RNFT2: variants seen among roughly 807,000 people sequenced by gnomAD.
RNFT2 encodes E3 ubiquitin-protein ligase RNFT2.
In RNFT2, 36 loss-of-function variants were observed where a neutral mutation model predicts 53.0. That is an observed-to-expected ratio of 0.68 (90% CI 0.52 to 0.90). The LOEUF is 0.90. Among genes scored for constraint, RNFT2 ranks in the 40% least tolerant of loss-of-function variants. RNFT2 has a pLI of 0.00. For synonymous variants in RNFT2, 260 were observed against 253.2 expected, an observed-to-expected ratio of 1.03 and a Z score of -0.26; for missense variants, 514 against 585.6, an observed-to-expected ratio of 0.88 and a Z score of 1.26.
intron 10 of RNFT2, among the ~76,000 whole-genome samples, chr12:116,836,902 C>T (rs771124890): frequency 2.6e-5 from 4 of 151,830 alleles, no homozygotes; most frequent in African/African-American, 4.8e-5. Flanking sequence ...TGCACTCCAG[C>T]CTGGGCAACA....
chr12:116,774,270 C>T (rs1373110900), intron 6 of RNFT2, among the ~76,000 whole-genome samples: 5 of 152,056 alleles, frequency 3.3e-5, no homozygotes, highest in Non-Finnish European at 7.4e-5. Flanking sequence ...TTGAACTGTG[C>T]GCGTAAAAAT....
chr12:116,769,754 G>C (rs35412759), intron 6 of RNFT2, among the ~76,000 whole-genome samples: 1 of 152,050 alleles, frequency 6.6e-6, no homozygotes, highest in African/African-American at 2.4e-5. Context: ...TGTAACGGCC[G>C]GGCATGGTGG....
At chr12:116,785,249 C>CTGTGTGTGTGTG (rs56185708) in intron 7 of RNFT2, among the ~76,000 whole-genome samples, 10,492 of 139,060 alleles carry the variant, frequency 0.075, 519 homozygotes, top group South Asian at 0.099. Context: ...TTACCTACTT[C>CTGTGTGTGTGTG]TGTGTGTGTG....
At position 116,849,482 on chromosome 12, in the gene RNFT2, AG is replaced by A; in HGVS notation, c.*37del. 6.4e-7 allele frequency: 1 copy of A among 1,560,450 alleles called. No homozygotes were observed. On this transcript the variant is annotated 3_prime_UTR_variant, in exon 11 of 11. Transcript: ENST00000257575. ...ACTGAGGACACCCAGAAGGACGCCAAGGGTCAGCATGCCCGGACCCAGCCCT... is the reference window on the plus strand; with the variant it reads ...ACTGAGGACACCCAGAAGGACGCCAAGGTCAGCATGCCCGGACCCAGCCCT...
chr12:116,761,848 C>T (rs911341194), intron 5 of RNFT2, among the ~76,000 whole-genome samples: 1 of 152,054 alleles, frequency 6.6e-6, no homozygotes, highest in Non-Finnish European at 1.5e-5. Flanking sequence ...CCTCAGGTGC[C>T]GCCTCTGGAA....
Position 116,836,038 on chromosome 12 carries a change from C to T in RNFT2, c.1098+13C>T, listed in dbSNP as rs1480816940. On this transcript the variant is annotated intron_variant, in intron 9 of 10. Coordinates refer to ENST00000257575, the MANE Select transcript of RNFT2 (RefSeq NM_001382266.1). Reference sequence around the variant, plus strand: ...CTGTACCTCTCAGGTGAGTTGGCTTCAGGTGGTCCCCACCAGGGTCCTGAG... The same window carrying T: ...CTGTACCTCTCAGGTGAGTTGGCTTTAGGTGGTCCCCACCAGGGTCCTGAG... The T allele has an allele frequency of 1.9e-6, 3 of 1,613,958 alleles. No homozygotes were observed. Among genetic ancestry groups the T allele is most frequent in the Admixed American group, 1.7e-5 (1 of 60,026 alleles).
At chr12:116,848,450 TG>T in intron 10 of RNFT2, among the ~76,000 whole-genome samples, 1 of 152,152 alleles carries the variant, frequency 6.6e-6, no homozygotes, top group South Asian at 2.1e-4. Flanking sequence ...AGCCCTACCA[TG>T]GGCCCCTTAC....
chr12:116,794,371 G>C (rs1260163015), intron 7 of RNFT2, among the ~76,000 whole-genome samples: 2 of 152,034 alleles, frequency 1.3e-5, no homozygotes, highest in Non-Finnish European at 2.9e-5. Flanking sequence ...GCCAAGGCAG[G>C]CGGATCCCTT....
At chr12:116,801,645 C>T (rs1874794872) in intron 7 of RNFT2, among the ~76,000 whole-genome samples, 1 of 152,170 alleles carries the variant, frequency 6.6e-6, no homozygotes, top group South Asian at 2.1e-4. Context: ...AAGATAAGAG[C>T]ATTAGCAGCC....
At chr12:116,768,273 G>C (rs892308630) in intron 6 of RNFT2, among the ~76,000 whole-genome samples, 3 of 151,956 alleles carry the variant, frequency 2.0e-5, no homozygotes, top group African/African-American at 7.3e-5. Flanking sequence ...GCTAATTCTT[G>C]TATTTTTCAT....
At chr12:116,825,650 C>G (rs557036503) in intron 7 of RNFT2, among the ~76,000 whole-genome samples, 1 of 152,188 alleles carries the variant, frequency 6.6e-6, no homozygotes. Context: ...CTTGTGGGAA[C>G]ATTTATACCA....
chr12:116,803,172 T>G (rs1354544789), intron 7 of RNFT2, among the ~76,000 whole-genome samples: 2 of 152,154 alleles, frequency 1.3e-5, no homozygotes, highest in African/African-American at 2.4e-5. Context: ...GTCCATCTCA[T>G]GAGCGACATT....
chr12:116,760,239 G>A (rs1592942644), intron 5 of RNFT2, among the ~76,000 whole-genome samples: 1 of 152,134 alleles, frequency 6.6e-6, no homozygotes, highest in African/African-American at 2.4e-5. Context: ...GGTGGAGAGC[G>A]ATAGGGGCTT....
rs200341108 is a variant in RNFT2, at chr12:116,753,072, A to AT, written c.551-903dup. Reference sequence around the variant, plus strand: ...GGGTCATGTTTGTCTGTTAGCTGGGATTTTTTTTTCTCATTGAACATTAAA... The same window carrying AT: ...GGGTCATGTTTGTCTGTTAGCTGGGATTTTTTTTTTCTCATTGAACATTAAA... On this transcript the variant is annotated intron_variant, in intron 4 of 10. Transcript: ENST00000257575. Among the ~76,000 whole-genome samples, 1,044 of 144,106 alleles carry AT rather than the reference A, an allele frequency of 7.2e-3. 16 individuals are homozygous for AT. Among genetic ancestry groups the AT allele is most frequent in the African/African-American group, 0.022 (872 of 38,848 alleles). The allele number at this position is 144,106 out of a possible 152,430, so 94.5% of individuals were successfully genotyped here. A position where few individuals can be genotyped will look rare whatever the true frequency, so the allele number is the denominator to read the frequency against.
intron 7 of RNFT2, among the ~76,000 whole-genome samples, chr12:116,816,038 A>G (rs965040691): frequency 6.6e-6 from 1 of 152,170 alleles, no homozygotes; most frequent in African/African-American, 2.4e-5. Context: ...TTTAGCCCAG[A>G]GCATTTGTGC....
At chr12:116,757,535 C>G (rs935833401) in intron 5 of RNFT2, among the ~76,000 whole-genome samples, 1 of 152,098 alleles carries the variant, frequency 6.6e-6, no homozygotes, top group African/African-American at 2.4e-5. Flanking sequence ...TATTGTCATT[C>G]AGTTTGAAGA....
At chr12:116,798,708 A>C (rs1474612581) in intron 7 of RNFT2, among the ~76,000 whole-genome samples, 3 of 152,164 alleles carry the variant, frequency 2.0e-5, no homozygotes, top group African/African-American at 7.2e-5. Flanking sequence ...CTGGGACCAC[A>C]GATGTGTGCC....
chr12:116,787,005 C>A (rs1177710575), intron 7 of RNFT2, among the ~76,000 whole-genome samples: 1 of 152,192 alleles, frequency 6.6e-6, no homozygotes, highest in African/African-American at 2.4e-5. Context: ...TTGGGCCCAG[C>A]TGGATAAGGC....
intron 7 of RNFT2, among the ~76,000 whole-genome samples, chr12:116,806,377 A>T (rs1304533249): frequency 1.6e-3 from 198 of 127,102 alleles, no homozygotes; most frequent in Non-Finnish European, 2.4e-3. Flanking sequence ...CAAAAAAAAA[A>T]AAAAATATAT....
Sources: allele counts gnomAD v4.1 joint callset (sites outside exome capture counted in the v4.1 genomes callset), GRCh38; gene constraint gnomAD v4.1.1; transcripts MANE v1.5; gene names NCBI Gene and HGNC (gene_info 2026-07-23, HGNC 2026-07-21).